Variants in TMEM132D observed in about 807,000 individuals in gnomAD.
TMEM132D encodes transmembrane protein 132D.
TMEM132D carries 21 observed loss-of-function variants against 62.3 expected under a neutral mutation model. The observed-to-expected ratio is 0.34, with a 90% CI of 0.24 to 0.49. TMEM132D has a LOEUF of 0.49. TMEM132D is among the 20% of genes least tolerant of loss of function. TMEM132D has a pLI of 0.99. For missense variants in TMEM132D, 1,346 were observed against 1,402.8 expected (o/e 0.96, Z 0.65); for synonymous variants, 621 against 575.6 (o/e 1.08, Z -1.13).
chr12:129,144,900 C>CTCTA (rs35319395), intron 5 of TMEM132D, among the ~76,000 whole-genome samples: 3,896 of 150,956 alleles, frequency 0.026, 165 homozygotes, highest in African/African-American at 0.084. Flanking sequence ...ATCTATCCTG[C>CTCTA]TCTATCTATC....
At chr12:129,771,270 A>G (rs1593155674) in intron 1 of TMEM132D, among the ~76,000 whole-genome samples, 1 of 152,288 alleles carries the variant, frequency 6.6e-6, no homozygotes, top group South Asian at 2.1e-4. Flanking sequence ...TCTACCGCAT[A>G]CCAACTGTGC....
At chr12:129,129,809 A>T (rs900239995) in intron 5 of TMEM132D, among the ~76,000 whole-genome samples, 3 of 152,108 alleles carry the variant, frequency 2.0e-5, no homozygotes, top group African/African-American at 7.2e-5. Context: ...GTGCCTGTTC[A>T]TGAATGCAAC....
intron 5 of TMEM132D, among the ~76,000 whole-genome samples, chr12:129,182,288 T>G (rs1221229703): frequency 5.3e-5 from 8 of 152,184 alleles, no homozygotes; most frequent in Admixed American, 5.2e-4. Context: ...GGCTTGACCC[T>G]GGGAGGCAGT....
chr12:129,328,956 T>G (rs1869010641), intron 4 of TMEM132D, among the ~76,000 whole-genome samples: 1 of 149,950 alleles, frequency 6.7e-6, no homozygotes, highest in Non-Finnish European at 1.5e-5. Flanking sequence ...TTGTGGAAAT[T>G]AAATTCTTTA....
chr12:129,241,326 A>G (rs1004676043), intron 4 of TMEM132D, among the ~76,000 whole-genome samples: 1 of 152,198 alleles, frequency 6.6e-6, no homozygotes, highest in African/African-American at 2.4e-5. Flanking sequence ...CATAAAACAA[A>G]TAATCTGATT....
intron 3 of TMEM132D, among the ~76,000 whole-genome samples, chr12:129,414,285 T>C (rs1872051414): frequency 6.6e-6 from 1 of 152,246 alleles, no homozygotes; most frequent in South Asian, 2.1e-4. Context: ...TATGGTTTCC[T>C]AGCAGCAAAC....
At position 129,726,992 on chromosome 12, in the gene TMEM132D, T is replaced by C. The variant is rs191909603; in HGVS notation, c.80-26294A>G. Among the ~76,000 whole-genome samples the C allele has an allele frequency of 4.8e-4, 73 of 152,290 alleles. 1 individual carries two copies. Among genetic ancestry groups the C allele is most frequent in the African/African-American group, 1.6e-3 (68 of 41,574 alleles). ...CCTCCCCACCTCAGTGTGGATTTAT[T>C]TGCTATGGGTGCTATGGGCATGGTC... On this transcript the variant is annotated intron_variant, in intron 1 of 8. Transcript: ENST00000422113.
chr12:129,483,846 C>T (rs755027609), intron 3 of TMEM132D, among the ~76,000 whole-genome samples: 3 of 152,200 alleles, frequency 2.0e-5, no homozygotes, highest in Non-Finnish European at 4.4e-5. Flanking sequence ...TAGGGTCATT[C>T]TTGATGAAAA....
chr12:129,722,894 C>G (rs1868892882), intron 1 of TMEM132D, among the ~76,000 whole-genome samples: 1 of 151,918 alleles, frequency 6.6e-6, no homozygotes, highest in Non-Finnish European at 1.5e-5. Context: ...CATATGACAC[C>G]ACATCCAGCT....
intron 1 of TMEM132D, among the ~76,000 whole-genome samples, chr12:129,785,558 A>T (rs1460862589): frequency 1.3e-5 from 2 of 152,182 alleles, no homozygotes; most frequent in African/African-American, 4.8e-5. Context: ...GCACTAAACC[A>T]AGTAACTTTT....
chr12:129,216,554 G>A (rs1879206977), intron 4 of TMEM132D, among the ~76,000 whole-genome samples: 1 of 152,196 alleles, frequency 6.6e-6, no homozygotes, highest in African/African-American at 2.4e-5. Context: ...GCTGGAAGAG[G>A]TAGGAAGGAT....
intron 1 of TMEM132D, among the ~76,000 whole-genome samples, chr12:129,788,930 G>C (rs1228671716): frequency 6.6e-6 from 1 of 152,168 alleles, no homozygotes; most frequent in South Asian, 2.1e-4. Context: ...CAGGGATGCC[G>C]TGAGTGATGG....
chr12:129,361,451 T>C (rs1224759331), intron 3 of TMEM132D, among the ~76,000 whole-genome samples: 1 of 152,134 alleles, frequency 6.6e-6, no homozygotes, highest in Non-Finnish European at 1.5e-5. Context: ...AGAGCAGCTT[T>C]CCCTGCAGAA....
intron 1 of TMEM132D, among the ~76,000 whole-genome samples, chr12:129,714,302 A>T (rs1868486176): frequency 6.6e-6 from 1 of 152,192 alleles, no homozygotes; most frequent in Admixed American, 6.5e-5. Context: ...GTTTATTCAC[A>T]TCTGAAATGG....
At chr12:129,598,400 C>A (rs894377481) in intron 2 of TMEM132D, among the ~76,000 whole-genome samples, 2 of 152,184 alleles carry the variant, frequency 1.3e-5, no homozygotes, top group African/African-American at 4.8e-5. Flanking sequence ...AAAAGATTTT[C>A]TATGGAATGT....
At chr12:129,139,874 C>T (rs1399048387) in intron 5 of TMEM132D, among the ~76,000 whole-genome samples, 1 of 151,874 alleles carries the variant, frequency 6.6e-6, no homozygotes, top group African/African-American at 2.4e-5. Context: ...CCATGTCCAG[C>T]TAATTTTTGT....
At chr12:129,186,633 T>A (rs1332310348) in intron 5 of TMEM132D, among the ~76,000 whole-genome samples, 1 of 152,186 alleles carries the variant, frequency 6.6e-6, no homozygotes, top group Non-Finnish European at 1.5e-5. Flanking sequence ...CGACTTCACT[T>A]CTTTGTGCCT....
intron 4 of TMEM132D, among the ~76,000 whole-genome samples, chr12:129,335,548 G>T (rs1287127665): frequency 1.3e-5 from 2 of 152,166 alleles, no homozygotes; most frequent in Non-Finnish European, 2.9e-5. Context: ...AAGTATGGTT[G>T]CATGAATAGC....
intron 4 of TMEM132D, among the ~76,000 whole-genome samples, chr12:129,219,315 A>G (rs555307413): frequency 6.6e-6 from 1 of 152,320 alleles, no homozygotes. Flanking sequence ...GCCTGCCACC[A>G]TGTAAGACAT....
Sources: allele counts gnomAD v4.1 joint callset (sites outside exome capture counted in the v4.1 genomes callset), GRCh38; gene constraint gnomAD v4.1.1; transcripts MANE v1.5; gene names NCBI Gene and HGNC (gene_info 2026-07-23, HGNC 2026-07-21).